The following RIMS1 variants were observed in gnomAD, a reference collection of about 807,000 sequenced individuals.
RIMS1 encodes regulating synaptic membrane exocytosis protein 1.
RIMS1 carries 83 observed loss-of-function variants against 214.1 expected under a neutral mutation model. The ratio of observed to expected loss-of-function variants is 0.39; its 90% CI spans 0.32 to 0.47. The LOEUF is 0.47. RIMS1 is among the 20% of genes least tolerant of loss of function. The pLI, the probability that RIMS1 is intolerant of heterozygous loss-of-function variation, is 0.99. For missense variants in RIMS1, 2,050 were observed against 2,161.8 expected, an observed-to-expected ratio of 0.95 and a Z score of 1.03; for synonymous variants, 793 against 786.8, an observed-to-expected ratio of 1.01 and a Z score of -0.13.
chr6:72,343,416 T>G (rs2097158891), intron 29 of RIMS1, among the ~76,000 whole-genome samples: 1 of 151,160 alleles, frequency 6.6e-6, no homozygotes, highest in South Asian at 2.1e-4. Context: ...TGCTCTTTCA[T>G]TCTTATCTAT....
At chr6:72,146,744 T>G (rs2153892965) in intron 4 of RIMS1, among the ~76,000 whole-genome samples, 1 of 152,354 alleles carries the variant, frequency 6.6e-6, no homozygotes, top group South Asian at 2.1e-4. Context: ...AGACAAAAAT[T>G]TATATTCCCA....
chr6:72,214,005 G>T (rs889235358), intron 6 of RIMS1, among the ~76,000 whole-genome samples: 1 of 151,974 alleles, frequency 6.6e-6, no homozygotes, highest in Admixed American at 6.6e-5. Context: ...CATAAATTTT[G>T]GAATTTAAAA....
intron 1 of RIMS1, among the ~76,000 whole-genome samples, chr6:71,953,460 G>T (rs1790257964): frequency 6.6e-6 from 1 of 152,166 alleles, no homozygotes; most frequent in Non-Finnish European, 1.5e-5. Context: ...GGACGGTGGG[G>T]TGGAGGTAAA....
chr6:72,266,278 T>C (rs2080493574), intron 22 of RIMS1: 1 of 547,736 alleles, frequency 1.8e-6, no homozygotes, highest in African/African-American at 1.9e-5. Context: ...GCAAATGGCG[T>C]GGTGTAATTT....
At position 72,394,685 on chromosome 6, in the gene RIMS1, T is replaced by A. The variant is rs77088846; in HGVS notation, c.4618+1875T>A. On this transcript the variant is annotated intron_variant, in intron 31 of 33. Coordinates refer to ENST00000521978, the MANE Select transcript of RIMS1 (RefSeq NM_014989.7). ...AAACATAACAGGTTTTATAGAACAATTGGGGATATGTGTGTGATTTAAAAA... is the reference window on the plus strand; with the variant it reads ...AAACATAACAGGTTTTATAGAACAAATGGGGATATGTGTGTGATTTAAAAA... Among the ~76,000 whole-genome samples, 636 of 151,984 alleles carry A rather than the reference T, an allele frequency of 4.2e-3. 3 individuals carry two copies. Among genetic ancestry groups the A allele is most frequent in the Non-Finnish European group, 7.2e-3 (486 of 67,890 alleles).
intron 2 of RIMS1, among the ~76,000 whole-genome samples, chr6:72,006,050 G>A (rs1434384985): frequency 6.6e-6 from 1 of 152,130 alleles, no homozygotes; most frequent in Non-Finnish European, 1.5e-5. Flanking sequence ...GGAAGTGGGG[G>A]CTTGCTTCCT....
At chr6:72,149,497 C>A (rs1171857619) in intron 4 of RIMS1, among the ~76,000 whole-genome samples, 2 of 151,534 alleles carry the variant, frequency 1.3e-5, no homozygotes, top group African/African-American at 4.9e-5. Flanking sequence ...TGAAGGGAAA[C>A]AAAGTGAAGA....
intron 4 of RIMS1, among the ~76,000 whole-genome samples, chr6:72,115,605 T>C (rs1181812994): frequency 6.6e-6 from 1 of 151,964 alleles, no homozygotes; most frequent in Non-Finnish European, 1.5e-5. Context: ...AGGCTTTTGC[T>C]GGTGTTATTT....
Position 71,886,886 on chromosome 6 carries a change from C to CTG in RIMS1, c.-138_-137insTG, listed in dbSNP as rs1767904103. ...CCCGGCTCTGCTGCTGCTGCTGCTG[C>CTG]CGCCGCCGCCGCTGCTCCTCCTCCT... On this transcript the variant is annotated 5_prime_UTR_variant, in exon 1 of 34. An upstream open reading frame in the 5' UTR loses its in-frame stop. Transcript: ENST00000521978. 7.9e-6 allele frequency: 7 copies of CTG among 884,324 alleles called. No individual in the cohort carries two copies. Among genetic ancestry groups the CTG allele is most frequent in the African/African-American group, 1.7e-5 (1 of 59,480 alleles). The allele number at this position is 884,324 out of a possible 1,614,324, so 54.8% of individuals were successfully genotyped here. A position where few individuals can be genotyped will look rare whatever the true frequency, so the allele number is the denominator to read the frequency against.
chr6:71,970,996 G>T (rs1209087412), intron 2 of RIMS1, among the ~76,000 whole-genome samples: 1 of 150,872 alleles, frequency 6.6e-6, no homozygotes, highest in Non-Finnish European at 1.5e-5. Context: ...AATCAATAGA[G>T]GCTAGTGACC....
chr6:72,026,840 C>T (rs768044212), intron 2 of RIMS1, among the ~76,000 whole-genome samples: 17 of 152,050 alleles, frequency 1.1e-4, no homozygotes, highest in Non-Finnish European at 2.1e-4. Context: ...GCTTTTAAAG[C>T]CCTTGAGGGC....
rs1055540002 is a variant in RIMS1, at chr6:72,342,762, T to C, written c.4366+8927T>C. Among the ~76,000 whole-genome samples the C allele has an allele frequency of 2.4e-4, 37 of 151,728 alleles. 1 individual carries two copies. Among genetic ancestry groups the C allele is most frequent in the Admixed American group, 2.3e-3 (35 of 15,166 alleles). On this transcript the variant is annotated intron_variant, in intron 29 of 33. Coordinates refer to ENST00000521978, the MANE Select transcript of RIMS1 (RefSeq NM_014989.7). ...TGAAAGATGATACGAATAATTTTAATTGTGCAGAGTTCCAGAGAACAGAGG... is the reference window on the plus strand; with the variant it reads ...TGAAAGATGATACGAATAATTTTAACTGTGCAGAGTTCCAGAGAACAGAGG...
At chr6:72,397,134 T>G (rs565912948) in intron 31 of RIMS1, among the ~76,000 whole-genome samples, 2 of 151,944 alleles carry the variant, frequency 1.3e-5, no homozygotes, top group East Asian at 3.9e-4. Flanking sequence ...AAAACCTGAG[T>G]AGAACTATAA....
chr6:71,941,467 TCTTTA>T (rs768739073), intron 1 of RIMS1, among the ~76,000 whole-genome samples: 111 of 152,336 alleles, frequency 7.3e-4, no homozygotes, highest in Non-Finnish European at 1.2e-3. Flanking sequence ...TATTTACATT[TCTTTA>T]CTTGTCCCTC....
intron 6 of RIMS1, among the ~76,000 whole-genome samples, chr6:72,214,200 C>T (rs961343148): frequency 2.6e-5 from 4 of 152,066 alleles, no homozygotes; most frequent in African/African-American, 9.7e-5. Context: ...TTTTGAAATC[C>T]ATGAATACCA....
At chr6:72,293,383 A>T (rs1482923994) in intron 26 of RIMS1, among the ~76,000 whole-genome samples, 1 of 151,926 alleles carries the variant, frequency 6.6e-6, no homozygotes, top group Admixed American at 6.6e-5. Context: ...GGAACATTTT[A>T]AAATTATTCA....
At chr6:71,984,959 G>A (rs1384982988) in intron 2 of RIMS1, among the ~76,000 whole-genome samples, 1 of 152,038 alleles carries the variant, frequency 6.6e-6, no homozygotes, top group Admixed American at 6.6e-5. Flanking sequence ...CAAGCACTTT[G>A]TACTCCACCA....
At chr6:72,055,278 C>T (rs1825840943) in intron 2 of RIMS1, among the ~76,000 whole-genome samples, 1 of 152,156 alleles carries the variant, frequency 6.6e-6, no homozygotes, top group African/African-American at 2.4e-5. Context: ...ATTCAGAGCA[C>T]ACTCCTGGGT....
At chr6:72,240,630 C>A in intron 9 of RIMS1, among the ~76,000 whole-genome samples, 1 of 82,466 alleles carries the variant, frequency 1.2e-5, no homozygotes, top group Non-Finnish European at 2.3e-5. Context: ...TTTCTTTTTT[C>A]TTTTTTTTTT....
Sources: allele counts gnomAD v4.1 joint callset (sites outside exome capture counted in the v4.1 genomes callset), GRCh38; gene constraint gnomAD v4.1.1; transcripts MANE v1.5; gene names NCBI Gene and HGNC (gene_info 2026-07-23, HGNC 2026-07-21).